MACROD1: variants seen among roughly 807,000 people sequenced by gnomAD.
MACROD1 encodes mono-ADP ribosylhydrolase 1, also known as ADP-ribose glycohydrolase MACROD1.
Under a neutral mutation model 41.4 loss-of-function variants are expected in MACROD1, and 31 were observed. The ratio of observed to expected loss-of-function variants is 0.75; its 90% CI spans 0.56 to 1.01. The LOEUF is 1.01. Ranked by LOEUF, MACROD1 falls within the 50% of genes least tolerant of loss-of-function variation. The probability of loss-of-function intolerance (pLI) is 0.00; values close to 1 mark genes in which losing one functional copy is unlikely to be tolerated. For missense variants in MACROD1, 473 were observed against 460.0 expected (o/e 1.03, Z -0.26); for synonymous variants, 252 against 203.4 (o/e 1.24, Z -2.03).
intron 3 of MACROD1, among the ~76,000 whole-genome samples, chr11:64,033,227 G>A (rs1253459763): frequency 1.3e-5 from 2 of 152,192 alleles, no homozygotes; most frequent in African/African-American, 2.4e-5. Flanking sequence ...GCGAGATCCA[G>A]CAGGGCCCGA....
intron 3 of MACROD1, chr11:64,116,340 A>G: frequency 1.2e-6 from 2 of 1,611,930 alleles, no homozygotes; most frequent in Non-Finnish European, 1.7e-6. Flanking sequence ...CGTTGTGATG[A>G]CCACGGCCAC....
Position 64,151,231 on chromosome 11 carries a change from C to G in MACROD1, c.517+8G>C. On this transcript the variant is annotated splice_region_variant and intron_variant, in intron 3 of 10. Coordinates refer to ENST00000255681, the MANE Select transcript of MACROD1 (RefSeq NM_014067.4). ...CCACCAGGTCTCTGGTTCAGGCCAG[C>G]CACTCACCGGCGTTGACGATGGCGT... 1 of 1,610,604 alleles carries G rather than the reference C, an allele frequency of 6.2e-7. No individual in the cohort carries two copies. The highest frequency in any genetic ancestry group is 8.5e-7 in the Non-Finnish European group (1 of 1,178,522).
At chr11:64,002,771 G>A (rs1942847457) in intron 4 of MACROD1, among the ~76,000 whole-genome samples, 2 of 152,138 alleles carry the variant, frequency 1.3e-5, no homozygotes, top group African/African-American at 4.8e-5. Flanking sequence ...GCTCTTACCT[G>A]GGGCTAAGCT....
chr11:64,081,314 G>A (rs577856231), intron 3 of MACROD1, among the ~76,000 whole-genome samples: 2 of 152,200 alleles, frequency 1.3e-5, no homozygotes, highest in African/African-American at 4.8e-5. Context: ...GAGCCACCAC[G>A]CCCAGCCTAC....
intron 3 of MACROD1, among the ~76,000 whole-genome samples, chr11:64,099,830 T>G (rs1944640826): frequency 6.7e-6 from 1 of 148,650 alleles, no homozygotes. Context: ...AATGGATAGA[T>G]GGATGGATGG....
At chr11:64,004,316 G>C (rs1942874145) in intron 4 of MACROD1, among the ~76,000 whole-genome samples, 2 of 152,250 alleles carry the variant, frequency 1.3e-5, no homozygotes, top group Non-Finnish European at 2.9e-5. Flanking sequence ...GAGGCGGAAG[G>C]CAGGCAGGCT....
chr11:64,042,807 G>T (rs923822743), intron 3 of MACROD1, among the ~76,000 whole-genome samples: 1 of 152,182 alleles, frequency 6.6e-6, no homozygotes, highest in South Asian at 2.1e-4. Context: ...ATGGCTCTGA[G>T]CCCTGAGACC....
chr11:64,124,843 G>A (rs2134642617), intron 3 of MACROD1, among the ~76,000 whole-genome samples: 1 of 152,226 alleles, frequency 6.6e-6, no homozygotes, highest in Non-Finnish European at 1.5e-5. Flanking sequence ...ACCATGCCTG[G>A]CTAATTTTGC....
chr11:64,019,031 G>T (rs1021134150), intron 3 of MACROD1, among the ~76,000 whole-genome samples: 79 of 152,248 alleles, frequency 5.2e-4, no homozygotes, highest in African/African-American at 1.8e-3. Context: ...GGGGCTGAGT[G>T]GGGGACCCGA....
chr11:64,051,314 G>A (rs1468853926), intron 3 of MACROD1, among the ~76,000 whole-genome samples: 1 of 152,224 alleles, frequency 6.6e-6, no homozygotes, highest in East Asian at 1.9e-4. Context: ...GCAGACACCT[G>A]CCTTGACGGC....
At chr11:64,116,046 C>A (rs908985369) in intron 3 of MACROD1, among the ~76,000 whole-genome samples, 5 of 152,228 alleles carry the variant, frequency 3.3e-5, no homozygotes, top group African/African-American at 1.2e-4. Flanking sequence ...GGAGCAATCA[C>A]CTGCGGCATA....
chr11:64,087,631 C>T (rs1473161761), intron 3 of MACROD1, among the ~76,000 whole-genome samples: 1 of 152,232 alleles, frequency 6.6e-6, no homozygotes, highest in Non-Finnish European at 1.5e-5. Flanking sequence ...GCGGCCCCAG[C>T]CACCCTGCAG....
chr11:64,054,273 A>G (rs1218410457), intron 3 of MACROD1, among the ~76,000 whole-genome samples: 1 of 152,202 alleles, frequency 6.6e-6, no homozygotes, highest in Non-Finnish European at 1.5e-5. Flanking sequence ...TCAAGTCATG[A>G]CAGGAGAGAT....
At position 64,146,091 on chromosome 11, in the gene MACROD1, T is replaced by C. The variant is rs1945491624; in HGVS notation, c.517+5148A>G. 6.6e-6 allele frequency among the ~76,000 whole-genome samples: 1 copy of C among 152,172 alleles called. No homozygotes were observed. Among genetic ancestry groups the C allele is most frequent in the East Asian group, 1.9e-4 (1 of 5,186 alleles). ...GGCCAAGAATGGGGATCTTTCTTTG[T>C]GCCCGGACATGTCCTGCCCAGGACT... is the stretch of plus-strand genomic sequence containing the variant. On this transcript the variant is annotated intron_variant, in intron 3 of 10. Transcript: ENST00000255681. This position sits in a 1 kb window ranked among gnomAD's most constrained non-coding sequence, Gnocchi z 4.7.
At chr11:64,013,276 C>T (rs1466674592) in intron 4 of MACROD1, among the ~76,000 whole-genome samples, 2 of 151,024 alleles carry the variant, frequency 1.3e-5, no homozygotes, top group Non-Finnish European at 3.0e-5. Context: ...GGGTGGGGGC[C>T]GGGGGAGTGC....
chr11:64,028,162 T>G (rs1943245462), intron 3 of MACROD1, among the ~76,000 whole-genome samples: 1 of 138,818 alleles, frequency 7.2e-6, no homozygotes, highest in Admixed American at 7.1e-5. Context: ...CAGTGGGGAG[T>G]GCTGGGGAGG....
At chr11:64,012,100 C>T (rs896366011) in intron 4 of MACROD1, among the ~76,000 whole-genome samples, 4 of 152,180 alleles carry the variant, frequency 2.6e-5, no homozygotes, top group Non-Finnish European at 1.5e-5. Flanking sequence ...GGTTGGACTC[C>T]GGGCCCACTT....
At chr11:64,051,125 A>T (rs1943686095) in intron 3 of MACROD1, among the ~76,000 whole-genome samples, 1 of 152,204 alleles carries the variant, frequency 6.6e-6, no homozygotes, top group Non-Finnish European at 1.5e-5. Context: ...CAGCCCCCAA[A>T]GCCCCAGGTT....
intron 3 of MACROD1, among the ~76,000 whole-genome samples, chr11:64,079,725 G>C (rs1944271435): frequency 6.6e-6 from 1 of 152,116 alleles, no homozygotes; most frequent in Non-Finnish European, 1.5e-5. Flanking sequence ...TTCAGGGAGA[G>C]AGTGGGGCGC....
Sources: gnomAD v4.1 joint callset for allele counts (sites outside exome capture counted in the v4.1 genomes callset) on GRCh38, gnomAD v4.1.1 for gene constraint, Gnocchi (gnomAD v3.1) non-coding constraint, MANE v1.5 for transcripts, NCBI Gene and HGNC (gene_info 2026-07-23, HGNC 2026-07-21) for gene names.